The following LYPLAL1 variants were observed in gnomAD, a reference collection of about 807,000 sequenced individuals.
The protein encoded by LYPLAL1 is lysophospholipase-like protein 1.
A neutral mutation model predicts 19.7 loss-of-function variants in LYPLAL1; 23 were observed. The observed-to-expected ratio is 1.17, with a 90% confidence interval of 0.84 to 1.65. LYPLAL1 has a LOEUF of 1.65. Ranked by LOEUF, LYPLAL1 falls within the 40% of genes most tolerant of loss-of-function variation. The pLI is 0.00. For synonymous variants in LYPLAL1, 119 were observed against 96.3 expected (o/e 1.24, Z -1.38); for missense variants, 355 against 279.4 (o/e 1.27, Z -1.93).
intron 3 of LYPLAL1, among the ~76,000 whole-genome samples, chr1:219,205,170 A>G (rs1040847146): frequency 1.1e-4 from 17 of 151,902 alleles, no homozygotes; most frequent in African/African-American, 4.1e-4. Context: ...ATCCTGGCTA[A>G]CAAGGTGAAA....
chr1:219,252,330 G>C, the LYPLAL1 span, among the ~76,000 whole-genome samples: 1 of 152,070 alleles, frequency 6.6e-6, no homozygotes, highest in Non-Finnish European at 1.5e-5. Context: ...GAATAGAAGT[G>C]GTAGGACAGG....
At chr1:219,194,174 A>G (rs1016758671) in intron 3 of LYPLAL1, among the ~76,000 whole-genome samples, 1 of 151,896 alleles carries the variant, frequency 6.6e-6, no homozygotes, top group African/African-American at 2.4e-5. Flanking sequence ...GCATAACAAC[A>G]TCACCTTTCT....
the LYPLAL1 span, among the ~76,000 whole-genome samples, chr1:219,279,939 G>T: frequency 3.9e-5 from 6 of 152,206 alleles, no homozygotes; most frequent in African/African-American, 1.4e-4. Context: ...AAAAAATGGG[G>T]TAGAAGAAAT....
chr1:219,328,930 ACT>A, the LYPLAL1 span, among the ~76,000 whole-genome samples: 1 of 152,144 alleles, frequency 6.6e-6, no homozygotes, highest in East Asian at 1.9e-4. Context: ...ATCCTTATTA[ACT>A]TTTTTTCTTG....
At chr1:219,399,096 G>A in the LYPLAL1 span, among the ~76,000 whole-genome samples, 1 of 152,214 alleles carries the variant, frequency 6.6e-6, no homozygotes, top group Non-Finnish European at 1.5e-5. Context: ...CAGGGTGCTA[G>A]TGGGTGTGGG....
chr1:219,301,226 A>T, the LYPLAL1 span, among the ~76,000 whole-genome samples: 1 of 152,206 alleles, frequency 6.6e-6, no homozygotes, highest in Non-Finnish European at 1.5e-5. Context: ...CATCCTATTT[A>T]TTCAAGGCAA....
intron 3 of LYPLAL1, among the ~76,000 whole-genome samples, chr1:219,205,363 C>CAAAAA (rs66877413): frequency 1.6e-5 from 2 of 128,470 alleles, no homozygotes; most frequent in African/African-American, 3.0e-5. Context: ...GACTCCGTCT[C>CAAAAA]AAAAAAAAAA....
the LYPLAL1 span, among the ~76,000 whole-genome samples, chr1:219,249,998 A>G: frequency 6.6e-6 from 1 of 151,926 alleles, no homozygotes. Flanking sequence ...TGGTGTCTTG[A>G]TAAATTAAGA....
At chr1:219,257,617 G>A in the LYPLAL1 span, among the ~76,000 whole-genome samples, 1 of 152,010 alleles carries the variant, frequency 6.6e-6, no homozygotes, top group Admixed American at 6.6e-5. Context: ...TGAACTGGGA[G>A]TAGGTAACAA....
the LYPLAL1 span, among the ~76,000 whole-genome samples, chr1:219,257,022 A>ATATGT: frequency 6.6e-6 from 1 of 152,010 alleles, no homozygotes; most frequent in East Asian, 1.9e-4. Flanking sequence ...CTTAAAACAA[A>ATATGT]TATGTATTTT....
the LYPLAL1 span, among the ~76,000 whole-genome samples, chr1:219,219,057 C>T: frequency 3.9e-5 from 6 of 152,096 alleles, no homozygotes; most frequent in African/African-American, 1.2e-4. Flanking sequence ...CTTTGGCCTG[C>T]AAGGAGGAAG....
the LYPLAL1 span, among the ~76,000 whole-genome samples, chr1:219,259,237 A>G: frequency 6.6e-6 from 1 of 152,192 alleles, no homozygotes; most frequent in African/African-American, 2.4e-5. Flanking sequence ...TAGAATTACC[A>G]TTTGATACAG....
the LYPLAL1 span, among the ~76,000 whole-genome samples, chr1:219,286,129 T>A: frequency 6.6e-6 from 1 of 151,794 alleles, no homozygotes; most frequent in Non-Finnish European, 1.5e-5. Flanking sequence ...CCCTCTAGAG[T>A]TCCAGGGATG....
chr1:219,208,220 T>G (rs1389507766), intron 3 of LYPLAL1, among the ~76,000 whole-genome samples: 1 of 152,104 alleles, frequency 6.6e-6, no homozygotes, highest in African/African-American at 2.4e-5. Context: ...GAAAGTAGAT[T>G]TCTGTATTTA....
At chr1:219,287,397 A>C in the LYPLAL1 span, among the ~76,000 whole-genome samples, 2 of 152,234 alleles carry the variant, frequency 1.3e-5, no homozygotes, top group African/African-American at 4.8e-5. Context: ...TTTCCTCACC[A>C]AAAAAGATAT....
the LYPLAL1 span, among the ~76,000 whole-genome samples, chr1:219,246,521 C>T: frequency 6.6e-6 from 1 of 152,144 alleles, no homozygotes; most frequent in South Asian, 2.1e-4. Context: ...CCTGGAGTGG[C>T]CGACACCAGA....
At chr1:219,440,043 T>A in the LYPLAL1 span, among the ~76,000 whole-genome samples, 4 of 112,168 alleles carry the variant, frequency 3.6e-5, no homozygotes, top group African/African-American at 1.1e-4. Flanking sequence ...ATATATACAC[T>A]CAGTGGGATT....
At chr1:219,445,097 TC>T in the LYPLAL1 span, among the ~76,000 whole-genome samples, 1 of 152,116 alleles carries the variant, frequency 6.6e-6, no homozygotes, top group African/African-American at 2.4e-5. Context: ...CTTTCAGTTT[TC>T]TACATGCATT....
the LYPLAL1 span, among the ~76,000 whole-genome samples, chr1:219,434,726 C>T: frequency 3.3e-5 from 5 of 152,164 alleles, no homozygotes; most frequent in South Asian, 2.1e-4. Context: ...GACTACCATG[C>T]GTTGACTGAC....
Sources: allele counts gnomAD v4.1 joint callset (sites outside exome capture counted in the v4.1 genomes callset), GRCh38; gene constraint gnomAD v4.1.1; transcripts MANE v1.5; gene names NCBI Gene and HGNC (gene_info 2026-07-23, HGNC 2026-07-21).